The following ZNF737 variants were observed in gnomAD, a reference collection of about 807,000 sequenced individuals.
ZNF737 encodes zinc finger protein 737.
A neutral mutation model predicts 11.7 loss-of-function variants in ZNF737; 13 were observed. That is an observed-to-expected ratio of 1.11 (90% confidence interval 0.73 to 1.77). The LOEUF (loss-of-function observed/expected upper bound fraction) is 1.77, where lower values mean the gene tolerates loss of function less well. ZNF737 is among the 40% of genes most tolerant of loss of function. ZNF737 has a pLI of 0.00. For missense variants in ZNF737, 636 were observed against 638.0 expected (o/e 1.00, Z 0.03); for synonymous variants, 217 against 216.2 (o/e 1.00, Z -0.03).
chr19:20,540,420 C>A lies in ZNF737; in HGVS notation c.*4172G>T, dbSNP rs1968154563. Reference sequence around the variant, plus strand: ...AGCACGTGTGCAACAGACTGGTAATCCAGGGTATTATCTTAGAATGTTGCC... The same window carrying A: ...AGCACGTGTGCAACAGACTGGTAATACAGGGTATTATCTTAGAATGTTGCC... On this transcript the variant is annotated 3_prime_UTR_variant, in exon 4 of 4. Transcript: ENST00000427401. Among the ~76,000 whole-genome samples, 1 of 152,052 alleles carries A rather than the reference C, an allele frequency of 6.6e-6. No homozygotes were observed. The highest frequency in any genetic ancestry group is 1.5e-5 in the Non-Finnish European group (1 of 68,012).
In ZNF737 at chr19:20,545,694, T is replaced by C. The variant is rs1244936884; in HGVS notation, c.509A>G (p.Lys170Arg). The change falls in exon 4 of 4, where the codon AAA becomes AGA. Residue 170 changes from lysine (K) to arginine (R), a missense_variant. By Grantham distance (26) the Lys-to-Arg change is conservative. Coordinates refer to ENST00000427401, the MANE Select transcript of ZNF737 (RefSeq NM_001159293.2). ...SNRHKIRHTG[K>R]KPFKCIECGK... is the part of the protein sequence containing the mutation. ...ACATTCTATACATTTGAAAGGTTTT[T>C]TTCCAGTATGTCTTATCTTATGTCT... 8 of 1,613,492 alleles carry C rather than the reference T, an allele frequency of 5.0e-6. No individual in the cohort carries two copies. Among genetic ancestry groups the C allele is most frequent in the Non-Finnish European group, 6.8e-6 (8 of 1,179,682 alleles).
At chr19:20,555,022 C>A (rs1968834479) in intron 1 of ZNF737, among the ~76,000 whole-genome samples, 2 of 151,884 alleles carry the variant, frequency 1.3e-5, no homozygotes, top group South Asian at 4.2e-4. Flanking sequence ...GCCACCACGC[C>A]CGGCTAGTTT....
chr19:20,554,266 T>G (rs879984452), intron 1 of ZNF737, among the ~76,000 whole-genome samples: 29 of 152,208 alleles, frequency 1.9e-4, no homozygotes, highest in African/African-American at 6.8e-4. Flanking sequence ...AAAGTTTGAT[T>G]TTTTGAATTT....
chr19:20,553,028 A>G (rs1448663366), intron 2 of ZNF737, among the ~76,000 whole-genome samples: 2 of 151,790 alleles, frequency 1.3e-5, no homozygotes, highest in Non-Finnish European at 2.9e-5. Flanking sequence ...AAAAAAAAAA[A>G]AAAAAGAAAA....
At chr19:20,550,552 A>T (rs571450986) in intron 3 of ZNF737, among the ~76,000 whole-genome samples, 6 of 152,330 alleles carry the variant, frequency 3.9e-5, no homozygotes, top group African/African-American at 7.2e-5. Context: ...CCCTATTTTC[A>T]TATTCCCTTA....
chr19:20,547,380 CA>C (rs1209880969), intron 3 of ZNF737, among the ~76,000 whole-genome samples: 3,083 of 64,972 alleles, frequency 0.047, 53 homozygotes, highest in African/African-American at 0.13. Flanking sequence ...GACTCCGTCT[CA>C]AAAAAAAAAA....
At chr19:20,534,470 T>TATCTATCTATC (rs1967907669), downstream of ZNF737, among the ~76,000 whole-genome samples, 1 of 149,404 alleles carries the variant, frequency 6.7e-6, no homozygotes, top group African/African-American at 2.5e-5. Flanking sequence ...TCTATCTATC[T>TATCTATCTATC]ATCTATCTAT....
At chr19:20,561,001 C>G (rs1290539812) in intron 1 of ZNF737, among the ~76,000 whole-genome samples, 20 of 152,082 alleles carry the variant, frequency 1.3e-4, no homozygotes, top group African/African-American at 3.9e-4. Flanking sequence ...AAATAATCTG[C>G]ACGCAAAACC....
chr19:20,561,498 C>G (rs1969094982), intron 1 of ZNF737, among the ~76,000 whole-genome samples: 1 of 152,092 alleles, frequency 6.6e-6, no homozygotes, highest in Admixed American at 6.5e-5. Flanking sequence ...CTCTGTCACC[C>G]TGGGAGAAGA....
rs535402141 is a variant in ZNF737, at chr19:20,553,661, TAA to T, written c.130+46_130+47del. 655 of 1,556,344 alleles carry T rather than the reference TAA, an allele frequency of 4.2e-4. 10 individuals are homozygous for T. In the South Asian group the frequency reaches 7.2e-3, roughly 17 times the overall value. On this transcript the variant is annotated intron_variant, in intron 2 of 3. Coordinates refer to ENST00000427401, the MANE Select transcript of ZNF737 (RefSeq NM_001159293.2). Reference sequence around the variant, plus strand: ...AAAAAAATTCTACAAGAGAGAGAAATAAAGTCTTTTGTGTATATTATGAATTA... The same window carrying T: ...AAAAAAATTCTACAAGAGAGAGAAATAGTCTTTTGTGTATATTATGAATTA...
intron 1 of ZNF737, chr19:20,564,260 T>C (rs1283834994): frequency 3.3e-5 from 5 of 152,204 alleles, no homozygotes; most frequent in Non-Finnish European, 7.4e-5. Context: ...TAATTTAGCA[T>C]TTAACTCAGA....
rs3047010 is a variant in ZNF737, at chr19:20,548,962, G to GAAAAAAAAA, written c.227-2995_227-2987dup. Among the ~76,000 whole-genome samples the GAAAAAAAAA allele has an allele frequency of 3.8e-3, 325 of 86,368 alleles. 7 individuals are homozygous for GAAAAAAAAA. The highest frequency in any genetic ancestry group is 0.017 in the East Asian group (50 of 2,902). 56.7% of individuals were successfully genotyped at this position (86,368 alleles called of 152,430 possible). On this transcript the variant is annotated intron_variant, in intron 3 of 3. Transcript: ENST00000427401. The stretch of plus-strand genomic sequence containing the variant: ...AAGCAATTTTTTTTAAAGAAAAACT[G>GAAAAAAAAA]AAAAAAAAAAAAAAAAAACAATTAT...
In ZNF737 at chr19:20,543,248, C is replaced by G; in HGVS notation, c.*1344G>C. ...AACTTAATACATTTGTAGGACTCAT[C>G]TCCAATATAAATTCCCTGATGTTGA... On this transcript the variant is annotated 3_prime_UTR_variant, in exon 4 of 4. Coordinates refer to ENST00000427401, the MANE Select transcript of ZNF737 (RefSeq NM_001159293.2). The G allele has an allele frequency of 1.0e-6, 1 of 985,408 alleles. No individual in the cohort carries two copies. Among genetic ancestry groups the G allele is most frequent in the Non-Finnish European group, 1.2e-6 (1 of 829,918 alleles). The allele number at this position is 985,408 out of a possible 1,614,324, so 61.0% of individuals were successfully genotyped here. A position where few individuals can be genotyped will look rare whatever the true frequency, so the allele number is the denominator to read the frequency against.
intron 1 of ZNF737, among the ~76,000 whole-genome samples, chr19:20,555,978 G>C (rs193039617): frequency 6.6e-6 from 1 of 152,206 alleles, no homozygotes; most frequent in Non-Finnish European, 1.5e-5. Flanking sequence ...GGCAGAAAAA[G>C]ACAGAAAAAT....
At chr19:20,530,421 C>A in the ZNF737 span, among the ~76,000 whole-genome samples, 1 of 149,730 alleles carries the variant, frequency 6.7e-6, no homozygotes, top group East Asian at 2.0e-4. Context: ...CCCCCCACCT[C>A]CCTCCTGGGC....
chr19:20,552,408 G>A, intron 3 of ZNF737, 67 bp downstream of exon 3: 3 of 1,150,564 alleles, frequency 2.6e-6, no homozygotes, highest in Non-Finnish European at 3.6e-6. Flanking sequence ...TTAAGGACTG[G>A]CTTTCTCTTT....
At chr19:20,552,827 C>T (rs750382197) in intron 2 of ZNF737, among the ~76,000 whole-genome samples, 1 of 151,938 alleles carries the variant, frequency 6.6e-6, no homozygotes, top group African/African-American at 2.4e-5. Context: ...GCCTGGCCAG[C>T]ATGGTGAAAC....
intron 1 of ZNF737, among the ~76,000 whole-genome samples, chr19:20,557,305 C>T (rs1275563112): frequency 6.6e-6 from 1 of 152,070 alleles, no homozygotes; most frequent in East Asian, 1.9e-4. Flanking sequence ...CCAGCCAAAA[C>T]TTTGATCTCT....
downstream of ZNF737, among the ~76,000 whole-genome samples, chr19:20,537,511 A>ATTTTTTTTTTTTTTTTTTTT (rs1163609628): frequency 1.3e-5 from 1 of 77,090 alleles, no homozygotes; most frequent in African/African-American, 4.9e-5. Flanking sequence ...CTGGTTTTCT[A>ATTTTTTTTTTTTTTTTTTTT]TTTTTTTTTT....
Sources: gnomAD v4.1 joint callset for allele counts (sites outside exome capture counted in the v4.1 genomes callset) on GRCh38, gnomAD v4.1.1 for gene constraint, MANE v1.5 for transcripts, NCBI Gene and HGNC (gene_info 2026-07-23, HGNC 2026-07-21) for gene names.